LARGE1: variants seen among roughly 807,000 people sequenced by gnomAD.
The protein encoded by LARGE1 is LARGE xylosyl- and glucuronyltransferase 1, also known as xylosyl- and glucuronyltransferase LARGE1.
Under a neutral mutation model 87.6 loss-of-function variants are expected in LARGE1, and 43 were observed. That is an observed-to-expected ratio of 0.49 (90% CI 0.38 to 0.63). LARGE1 has a LOEUF of 0.63. Ranked by LOEUF, LARGE1 falls within the 30% of genes least tolerant of loss-of-function variation. The probability of loss-of-function intolerance (pLI) is 0.00; values close to 1 mark genes in which losing one functional copy is unlikely to be tolerated. For synonymous variants in LARGE1, 434 were observed against 394.6 expected, an observed-to-expected ratio of 1.10 and a Z score of -1.18; for missense variants, 802 against 1,000.2, an observed-to-expected ratio of 0.80 and a Z score of 2.67.
the LARGE1 span, among the ~76,000 whole-genome samples, chr22:33,108,059 G>A: frequency 1.1e-4 from 17 of 152,098 alleles, no homozygotes; most frequent in Non-Finnish European, 1.6e-4. Flanking sequence ...TAAAGCAAAC[G>A]CTATATAACC....
chr22:33,785,759 A>ACTTTC (rs767916824), intron 1 of LARGE1, among the ~76,000 whole-genome samples: 124 of 152,176 alleles, frequency 8.1e-4, no homozygotes, highest in Non-Finnish European at 1.4e-3. Context: ...CAGCTGATGA[A>ACTTTC]CGGAAAGGGT....
intron 10 of LARGE1, among the ~76,000 whole-genome samples, chr22:33,316,463 G>A (rs1183364847): frequency 6.6e-6 from 1 of 152,234 alleles, no homozygotes; most frequent in African/African-American, 2.4e-5. Flanking sequence ...CCTGGGGACC[G>A]GCTGTGGTGG....
intron 7 of LARGE1, among the ~76,000 whole-genome samples, chr22:33,399,738 TG>T (rs2065875199): frequency 6.6e-6 from 1 of 152,042 alleles, no homozygotes; most frequent in Non-Finnish European, 1.5e-5. Context: ...TTAGTAGAGA[TG>T]GGGTTTCATC....
chr22:33,137,604 A>G, the LARGE1 span, among the ~76,000 whole-genome samples: 2 of 152,248 alleles, frequency 1.3e-5, no homozygotes, highest in African/African-American at 4.8e-5. Flanking sequence ...GACATGTCAG[A>G]GGTCTTCACA....
chr22:33,595,600 G>A (rs1246410244), intron 5 of LARGE1, among the ~76,000 whole-genome samples: 5 of 152,334 alleles, frequency 3.3e-5, no homozygotes, highest in Middle Eastern at 6.8e-3. Context: ...GTCATTTCAG[G>A]TACAGTTGAA....
chr22:33,118,659 C>T, the LARGE1 span, among the ~76,000 whole-genome samples: 1 of 152,160 alleles, frequency 6.6e-6, no homozygotes, highest in Non-Finnish European at 1.5e-5. Flanking sequence ...CAGATGTAGG[C>T]TGTGGTATCC....
chr22:33,496,673 C>G (rs1441633220), intron 6 of LARGE1, among the ~76,000 whole-genome samples: 1 of 152,212 alleles, frequency 6.6e-6, no homozygotes, highest in African/African-American at 2.4e-5. Flanking sequence ...TCTTTTCCGG[C>G]CAATGAACTA....
At chr22:33,789,189 C>T (rs895442535) in intron 1 of LARGE1, among the ~76,000 whole-genome samples, 1 of 152,160 alleles carries the variant, frequency 6.6e-6, no homozygotes, top group African/African-American at 2.4e-5. Flanking sequence ...GTGTCCCAGC[C>T]GTGGCTAAAA....
chr22:33,439,322 T>C (rs1162208204), intron 6 of LARGE1, among the ~76,000 whole-genome samples: 3 of 152,112 alleles, frequency 2.0e-5, no homozygotes, highest in Admixed American at 1.3e-4. Context: ...TCATAATGTC[T>C]AGGTTTTCCT....
chr22:33,631,698 G>A (rs2149097943), intron 3 of LARGE1, among the ~76,000 whole-genome samples: 1 of 152,258 alleles, frequency 6.6e-6, no homozygotes. Flanking sequence ...AAAATAAGTA[G>A]AAGGAATACA....
chr22:33,749,062 C>T (rs1016046968), intron 2 of LARGE1, among the ~76,000 whole-genome samples: 4 of 152,346 alleles, frequency 2.6e-5, no homozygotes, highest in East Asian at 1.9e-4. Flanking sequence ...TGACCACTGT[C>T]GGATGTAACA....
At chr22:33,599,939 A>G (rs912625567) in intron 5 of LARGE1, among the ~76,000 whole-genome samples, 34 of 152,268 alleles carry the variant, frequency 2.2e-4, no homozygotes, top group African/African-American at 7.9e-4. Flanking sequence ...CCTGTCATGG[A>G]AAGACACTCA....
At chr22:33,838,476 A>C (rs2063174256) in intron 1 of LARGE1, among the ~76,000 whole-genome samples, 2 of 152,102 alleles carry the variant, frequency 1.3e-5, no homozygotes, top group African/African-American at 4.8e-5. Context: ...CCATCTCTAC[A>C]AAAAGTTTAA....
intron 2 of LARGE1, among the ~76,000 whole-genome samples, chr22:33,682,264 T>C (rs1380722440): frequency 3.9e-5 from 6 of 152,220 alleles, no homozygotes; most frequent in Admixed American, 3.9e-4. Flanking sequence ...TTAAGTAATA[T>C]TAAAATGAAA....
chr22:33,417,802 T>C (rs1223120981), intron 7 of LARGE1, among the ~76,000 whole-genome samples: 1 of 152,214 alleles, frequency 6.6e-6, no homozygotes, highest in Non-Finnish European at 1.5e-5. Context: ...TGGGAGCCAC[T>C]CTCAGCATCT....
At chr22:33,154,391 C>T in the LARGE1 span, among the ~76,000 whole-genome samples, 1 of 152,056 alleles carries the variant, frequency 6.6e-6, no homozygotes, top group Non-Finnish European at 1.5e-5. Flanking sequence ...CAGGTGCCTG[C>T]CATCATGCCT....
At chr22:33,263,200 T>C (rs546236607) in intron 11 of LARGE1, among the ~76,000 whole-genome samples, 2 of 152,318 alleles carry the variant, frequency 1.3e-5, no homozygotes, top group East Asian at 3.9e-4. Context: ...GCCGACATCC[T>C]TTCTTTGACC....
At chr22:33,321,100 C>T (rs187856675) in intron 10 of LARGE1, 73 of 152,166 alleles carry the variant, frequency 4.8e-4, no homozygotes, top group African/African-American at 1.6e-3. Context: ...AAAATGAGGA[C>T]GACAAAACTC....
chr22:33,673,672 C>G (rs1474560593), intron 2 of LARGE1, among the ~76,000 whole-genome samples: 1 of 152,048 alleles, frequency 6.6e-6, no homozygotes, highest in African/African-American at 2.4e-5. Flanking sequence ...AACTCCAGAC[C>G]CATGAAAAAA....
Sources: allele counts gnomAD v4.1 joint callset (sites outside exome capture counted in the v4.1 genomes callset), GRCh38; gene constraint gnomAD v4.1.1; transcripts MANE v1.5; gene names NCBI Gene and HGNC (gene_info 2026-07-23, HGNC 2026-07-21).